Variants in NECAP2 observed in about 807,000 individuals in gnomAD.
The protein encoded by NECAP2 is adaptin ear-binding coat-associated protein 2.
In NECAP2, 38 loss-of-function variants were observed where a neutral mutation model predicts 37.8. The observed-to-expected ratio is 1.01, with a 90% CI of 0.78 to 1.32. The LOEUF (loss-of-function observed/expected upper bound fraction) is 1.32. Among genes scored for constraint, NECAP2 ranks in the 40% most tolerant of loss-of-function variants. The probability of loss-of-function intolerance (pLI) is 0.00; values close to 1 mark genes in which losing one functional copy is unlikely to be tolerated. For synonymous variants in NECAP2, 121 were observed against 127.7 expected, an observed-to-expected ratio of 0.95 and a Z score of 0.35; for missense variants, 316 against 334.5, an observed-to-expected ratio of 0.94 and a Z score of 0.43.
chr1:16,454,506 C>A (rs1570272389), intron 6 of NECAP2, among the ~76,000 whole-genome samples: 1 of 152,122 alleles, frequency 6.6e-6, no homozygotes, highest in Non-Finnish European at 1.5e-5. Flanking sequence ...CAGGCATGCA[C>A]CACCATACCT....
intron 2 of NECAP2, among the ~76,000 whole-genome samples, chr1:16,444,366 G>C (rs1311847366): frequency 6.6e-6 from 1 of 152,016 alleles, no homozygotes; most frequent in Non-Finnish European, 1.5e-5. Flanking sequence ...GCTCAGTCAG[G>C]TGCCACAACA....
At chr1:16,455,963 A>G in intron 7 of NECAP2, 70 bp downstream of exon 7, 1 of 1,096,198 alleles carries the variant, frequency 9.1e-7, no homozygotes, top group Non-Finnish European at 1.4e-6. Flanking sequence ...GTATTGTTCC[A>G]CATGCCTGCC....
At position 16,458,887 on chromosome 1, in the gene NECAP2, C is replaced by T; in HGVS notation, c.789C>T (p.Phe263=). Residue 263 remains phenylalanine, a synonymous_variant, in exon 8 of 8, where the codon TTC becomes TTT. Transcript: ENST00000337132. ...QTQPGTGWVQ[F] ...AGCCAGGCACAGGCTGGGTCCAGTTCTGACCTGAGCACGGTTTTTCCTCAT... is the reference window on the plus strand; with the variant it reads ...AGCCAGGCACAGGCTGGGTCCAGTTTTGACCTGAGCACGGTTTTTCCTCAT... 1 of 1,614,146 alleles carries T rather than the reference C, an allele frequency of 6.2e-7. No homozygotes were observed. The highest frequency in any genetic ancestry group is 8.5e-7 in the Non-Finnish European group (1 of 1,180,024).
chr1:16,446,423 G>A (rs2086763482), intron 2 of NECAP2, among the ~76,000 whole-genome samples: 1 of 152,170 alleles, frequency 6.6e-6, no homozygotes, highest in Non-Finnish European at 1.5e-5. Flanking sequence ...AGTGGGCATG[G>A]TGGCATGTGC....
intron 2 of NECAP2, among the ~76,000 whole-genome samples, chr1:16,444,417 T>C (rs2100945452): frequency 6.6e-6 from 1 of 152,296 alleles, no homozygotes; most frequent in Non-Finnish European, 1.5e-5. Flanking sequence ...GATTTTCCTT[T>C]GTAGAGCAGA....
At chr1:16,441,975 G>A (rs1375128773) in intron 1 of NECAP2, among the ~76,000 whole-genome samples, 1 of 150,978 alleles carries the variant, frequency 6.6e-6, no homozygotes, top group Non-Finnish European at 1.5e-5. Context: ...ATCTCCTGTT[G>A]GGTCTTTTTT....
intron 5 of NECAP2, chr1:16,450,206 G>T (rs1180438871): frequency 1.3e-5 from 6 of 454,252 alleles, no homozygotes; most frequent in South Asian, 9.4e-5. Flanking sequence ...TCGCTTGGAG[G>T]AAACTAACAT....
At chr1:16,448,013 G>A in intron 3 of NECAP2, 39 bp downstream of exon 3, 12 of 1,614,004 alleles carry the variant, frequency 7.4e-6, no homozygotes, top group Non-Finnish European at 1.0e-5. Flanking sequence ...CTTGGGAAAG[G>A]TTTTCTCTGC....
intron 6 of NECAP2, among the ~76,000 whole-genome samples, chr1:16,452,770 C>G (rs956957970): frequency 6.6e-6 from 1 of 152,000 alleles, no homozygotes; most frequent in Non-Finnish European, 1.5e-5. Flanking sequence ...CCCGCGCGCC[C>G]CCCCCGCCCG....
chr1:16,455,624 A>C lies in NECAP2; in HGVS notation c.668-194A>C, dbSNP rs2086905597. 6.8e-6 allele frequency: 4 copies of C among 587,962 alleles called. 1 individual carries two copies. In the South Asian group the frequency reaches 8.1e-5, roughly 12 times the overall value. 36.4% of individuals were successfully genotyped at this position (587,962 alleles called of 1,614,324 possible). On this transcript the variant is annotated intron_variant, in intron 6 of 7. Coordinates refer to ENST00000337132, the MANE Select transcript of NECAP2 (RefSeq NM_018090.5). The stretch of plus-strand genomic sequence containing the variant: ...TCTCCAGAGCGCACAAGGGCTGGTG[A>C]GAAGATGCTGGAAGTGTGGCAACTC...
At chr1:16,452,787 C>T (rs988439624) in intron 6 of NECAP2, among the ~76,000 whole-genome samples, 4 of 152,048 alleles carry the variant, frequency 2.6e-5, no homozygotes, top group East Asian at 1.9e-4. Context: ...CCCGCCGCCC[C>T]GCCCAGCCCA....
At chr1:16,448,381 T>TA (rs1210218298) in intron 4 of NECAP2, 1 of 557,328 alleles carries the variant, frequency 1.8e-6, no homozygotes, top group African/African-American at 1.9e-5. Flanking sequence ...TGTCTCCCCT[T>TA]ACCAGTCCCC....
chr1:16,444,316 C>T (rs1485856114), intron 2 of NECAP2, among the ~76,000 whole-genome samples: 2 of 152,198 alleles, frequency 1.3e-5, no homozygotes, highest in African/African-American at 4.8e-5. Flanking sequence ...CACCTGGAAT[C>T]CCCCAGCCGA....
In NECAP2 at chr1:16,440,781, A is replaced by G. The variant is rs199627365; in HGVS notation, c.20A>G (p.Glu7Gly). 2 of 1,614,140 alleles carry G rather than the reference A, an allele frequency of 1.2e-6. No homozygotes were observed. The highest frequency in any genetic ancestry group is 1.7e-5 in the Admixed American group (1 of 60,020). Residue 7 changes from glutamate to glycine, a missense_variant, in exon 1 of 8, where the codon GAG becomes GGG. Physicochemically the swap from Glu to Gly is moderately conservative, Grantham distance 98. Around this residue, in one of 3 missense-constraint regions of NECAP2, gnomAD observed 31 missense variants for 21.7 expected, o/e 1.43. Transcript: ENST00000337132. ...GTCGCGATGGAGGAGAGCGGGTACGAGTCGGTGCTCTGTGTCAAGCCTGAC... is the reference window on the plus strand; with the variant it reads ...GTCGCGATGGAGGAGAGCGGGTACGGGTCGGTGCTCTGTGTCAAGCCTGAC... Reference protein sequence around the residue: MEESGYESVLCVKPDVH... With the variant: MEESGYGSVLCVKPDVH...
intron 7 of NECAP2, 22 bp downstream of exon 7, chr1:16,455,915 G>T: frequency 1.3e-6 from 2 of 1,596,170 alleles, no homozygotes; most frequent in Non-Finnish European, 1.7e-6. Flanking sequence ...CATGTTCTGC[G>T]GAGGGGCTGG....
intron 4 of NECAP2, chr1:16,448,376 C>T: frequency 1.8e-6 from 1 of 566,334 alleles, no homozygotes; most frequent in Non-Finnish European, 3.2e-6. Context: ...CCACCTGTCT[C>T]CCCTTACCAG....
At chr1:16,454,937 A>G (rs2086895938) in intron 6 of NECAP2, among the ~76,000 whole-genome samples, 1 of 152,190 alleles carries the variant, frequency 6.6e-6, no homozygotes, top group South Asian at 2.1e-4. Flanking sequence ...TGTTATTTTC[A>G]GCATTTTAGA....
chr1:16,443,581 G>A, intron 1 of NECAP2, 51 bp from the exon 2 acceptor site: 3 of 1,390,576 alleles, frequency 2.2e-6, no homozygotes, highest in Non-Finnish European at 3.0e-6. Context: ...CAGCATTGGG[G>A]TCACACAGCA....
At chr1:16,446,356 C>G (rs1391670861) in intron 2 of NECAP2, among the ~76,000 whole-genome samples, 2 of 152,132 alleles carry the variant, frequency 1.3e-5, no homozygotes, top group Admixed American at 1.3e-4. Flanking sequence ...CACTTAAGAC[C>G]AGGAGTTAGA....
Sources: gnomAD v4.1 joint callset for allele counts (sites outside exome capture counted in the v4.1 genomes callset) on GRCh38, gnomAD v4.1.1 for gene constraint, gnomAD v4.1.1 regional missense constraint, MANE v1.5 for transcripts, NCBI Gene and HGNC (gene_info 2026-07-23, HGNC 2026-07-21) for gene names.